Variants in FBXL5 observed in about 807,000 individuals in gnomAD.
FBXL5 encodes the protein F-box/LRR-repeat protein 5.
A neutral mutation model predicts 78.3 loss-of-function variants in FBXL5; 26 were observed. That is an observed-to-expected ratio of 0.33 (90% CI 0.24 to 0.46). FBXL5 has a LOEUF of 0.46. Ranked by LOEUF, FBXL5 falls within the 20% of genes least tolerant of loss-of-function variation. The pLI is 1.00. For synonymous variants in FBXL5, 295 were observed against 282.5 expected (o/e 1.04, Z -0.45); for missense variants, 710 against 829.2 (o/e 0.86, Z 1.77).
chr4:15,606,354 C>T (rs1721886170), intron 10 of FBXL5, among the ~76,000 whole-genome samples: 2 of 151,424 alleles, frequency 1.3e-5, no homozygotes, highest in Non-Finnish European at 2.9e-5. Flanking sequence ...AATTATTTTC[C>T]AAAATTAAAT....
intron 1 of FBXL5, among the ~76,000 whole-genome samples, chr4:15,647,272 A>AAACC (rs1715470951): frequency 7.1e-6 from 1 of 141,010 alleles, no homozygotes; most frequent in African/African-American, 2.6e-5. Flanking sequence ...AAATAAAAAT[A>AAACC]AACAACAACA....
intron 1 of FBXL5, among the ~76,000 whole-genome samples, chr4:15,653,899 T>C (rs1220352235): frequency 6.6e-6 from 1 of 152,196 alleles, no homozygotes; most frequent in African/African-American, 2.4e-5. Context: ...GACCTAGACA[T>C]CAGGACTTCT....
chr4:15,679,726 C>CA (rs138810920), intron 1 of FBXL5, among the ~76,000 whole-genome samples: 13,970 of 151,422 alleles, frequency 0.092, 789 homozygotes, highest in Non-Finnish European at 0.13. Context: ...ACTTATCTAT[C>CA]AAAAAATCCC....
chr4:15,648,881 G>A (rs1338738500), intron 1 of FBXL5, among the ~76,000 whole-genome samples: 2 of 152,120 alleles, frequency 1.3e-5, no homozygotes, highest in African/African-American at 4.8e-5. Flanking sequence ...CCCACACAAA[G>A]GGTAATCGTT....
At chr4:15,656,460 C>T (rs186037354), upstream of FBXL5, 238 of 354,646 alleles carry the variant, frequency 6.7e-4, no homozygotes, top group East Asian at 0.015. Context: ...TGTGTTCACC[C>T]TTGTTCTCTA....
intron 1 of FBXL5, among the ~76,000 whole-genome samples, chr4:15,645,515 C>T (rs897338759): frequency 2.6e-5 from 4 of 152,094 alleles, no homozygotes; most frequent in Non-Finnish European, 5.9e-5. Context: ...GCAGACTCTG[C>T]CTCCTGGGTT....
rs1714294608 is a variant in FBXL5, at chr4:15,636,549, C to G, written c.711G>C (p.Gln237His). The change falls in exon 5 of 11, where the codon CAG (glutamine) becomes CAC (histidine). Residue 237 changes from glutamine (Q) to histidine (H), a missense_variant. Physicochemically the swap from Gln to His is conservative, Grantham distance 24 (BLOSUM62 0). This residue lies in a region of FBXL5 where 517 missense variants were observed against 542.9 expected (regional missense o/e 0.95). Transcript: ENST00000341285. ...TCCAAAGCGATCCCGTTTTTGTCAG[C>G]TGAGACCATTTCATGCTTACTTGAC... ...RCSQVSMKWS[Q>H]LTKTGSLWKH... is the part of the protein sequence containing the mutation. 1 of 1,613,790 alleles carries G rather than the reference C, an allele frequency of 6.2e-7. No individual in the cohort carries two copies. Among genetic ancestry groups the G allele is most frequent in the Non-Finnish European group, 8.5e-7 (1 of 1,179,910 alleles).
upstream of FBXL5, among the ~76,000 whole-genome samples, chr4:15,657,340 T>C (rs747459316): frequency 1.3e-5 from 2 of 152,210 alleles, no homozygotes; most frequent in African/African-American, 4.8e-5. Context: ...AGTAAATATG[T>C]TGGAAAAAAG....
chr4:15,614,110 T>G (rs1379592130), intron 9 of FBXL5, among the ~76,000 whole-genome samples: 1 of 152,208 alleles, frequency 6.6e-6, no homozygotes, highest in Admixed American at 6.5e-5. Flanking sequence ...TTATTCAGAT[T>G]CTCTTGTCCC....
intron 1 of FBXL5, among the ~76,000 whole-genome samples, chr4:15,647,579 T>C (rs1715503185): frequency 6.6e-6 from 1 of 152,208 alleles, no homozygotes. Flanking sequence ...CATTAGACTA[T>C]TAGAAATTCT....
chr4:15,642,267 G>A (rs901788593), intron 2 of FBXL5, among the ~76,000 whole-genome samples: 2 of 146,828 alleles, frequency 1.4e-5, no homozygotes, highest in African/African-American at 2.5e-5. Context: ...TTTAAGACAA[G>A]CCTTGCTCTG....
intron 1 of FBXL5, among the ~76,000 whole-genome samples, chr4:15,667,385 G>A (rs1044180994): frequency 5.9e-5 from 9 of 152,082 alleles, no homozygotes; most frequent in African/African-American, 2.2e-4. Flanking sequence ...CCAAGTTGCA[G>A]TACCCTCTTA....
chr4:15,606,450 G>A (rs1721892921), intron 10 of FBXL5, among the ~76,000 whole-genome samples: 2 of 152,034 alleles, frequency 1.3e-5, no homozygotes, highest in Non-Finnish European at 1.5e-5. Context: ...TGGAATAACT[G>A]ACATTTTATC....
upstream of FBXL5, among the ~76,000 whole-genome samples, chr4:15,657,326 A>T (rs1717039192): frequency 6.6e-6 from 1 of 152,228 alleles, no homozygotes; most frequent in African/African-American, 2.4e-5. Flanking sequence ...TAAAGTGAGT[A>T]TTCAGTAAAT....
chr4:15,639,021 G>A (rs1243566101), intron 3 of FBXL5, among the ~76,000 whole-genome samples: 2 of 152,108 alleles, frequency 1.3e-5, no homozygotes, highest in East Asian at 1.9e-4. Context: ...AGAAGTAGCC[G>A]GGCGTGGTGG....
At chr4:15,648,944 G>A (rs1354394636) in intron 1 of FBXL5, among the ~76,000 whole-genome samples, 3 of 152,082 alleles carry the variant, frequency 2.0e-5, no homozygotes, top group Non-Finnish European at 4.4e-5. Context: ...CAATGTACAT[G>A]TATATCAAAG....
intron 1 of FBXL5, among the ~76,000 whole-genome samples, chr4:15,651,894 C>T (rs1032334578): frequency 6.6e-6 from 1 of 152,148 alleles, no homozygotes; most frequent in Non-Finnish European, 1.5e-5. Context: ...TCTCAGAAAT[C>T]AATTCAAAGA....
intron 9 of FBXL5, among the ~76,000 whole-genome samples, chr4:15,621,072 T>C (rs1055680023): frequency 7.2e-5 from 11 of 152,312 alleles, no homozygotes; most frequent in South Asian, 2.1e-4. Flanking sequence ...CACCTCTATA[T>C]TTCTGTGTGT....
In FBXL5 at chr4:15,651,892, A is replaced by C. The variant is rs371857621; in HGVS notation, c.84+3312T>G. Among the ~76,000 whole-genome samples, 177 of 152,324 alleles carry C rather than the reference A, an allele frequency of 1.2e-3. 1 individual carries two copies. Among genetic ancestry groups the C allele is most frequent in the African/African-American group, 4.1e-3 (171 of 41,568 alleles). ...ACCACAGCCTACTCTTCTCTCAGAA[A>C]TCAATTCAAAGAGACCACTCCTGAC... On this transcript the variant is annotated intron_variant, in intron 1 of 10. Coordinates refer to ENST00000341285, the MANE Select transcript of FBXL5 (RefSeq NM_012161.4).
Sources: gnomAD v4.1 joint callset for allele counts (sites outside exome capture counted in the v4.1 genomes callset) on GRCh38, gnomAD v4.1.1 for gene constraint, gnomAD v4.1.1 regional missense constraint, MANE v1.5 for transcripts, NCBI Gene and HGNC (gene_info 2026-07-23, HGNC 2026-07-21) for gene names.